FER1L6: variants seen among roughly 807,000 people sequenced by gnomAD.
The protein encoded by FER1L6 is fer-1 like family member 6.
Under a neutral mutation model 219.2 loss-of-function variants are expected in FER1L6, and 177 were observed. The observed-to-expected ratio is 0.81, with a 90% CI of 0.71 to 0.91. FER1L6 has a LOEUF of 0.91. FER1L6 is among the 40% of genes least tolerant of loss of function. FER1L6 has a pLI of 0.00. For synonymous variants in FER1L6, 768 were observed against 824.3 expected (o/e 0.93, Z 1.17); for missense variants, 2,153 against 2,259.9 (o/e 0.95, Z 0.96).
intron 39 of FER1L6, among the ~76,000 whole-genome samples, chr8:124,107,444 T>C (rs1822827624): frequency 6.6e-6 from 1 of 152,142 alleles, no homozygotes; most frequent in African/African-American, 2.4e-5. Flanking sequence ...AAGATTTAGA[T>C]AGATTACACA....
chr8:123,954,456 TTGAA>T (rs1332961543), intron 1 of FER1L6, among the ~76,000 whole-genome samples: 1 of 152,158 alleles, frequency 6.6e-6, no homozygotes, highest in Non-Finnish European at 1.5e-5. Context: ...AGGACATACA[TTGAA>T]TAAGTGAGCA....
rs953422889 is a variant in FER1L6, at chr8:123,976,178, G to C, written c.870+94G>C. 1.0e-5 allele frequency: 11 copies of C among 1,085,034 alleles called. No homozygotes were observed. The African/African-American group carries it at 1.8e-4, about 17-fold the overall frequency. 67.2% of individuals were successfully genotyped at this position (1,085,034 alleles called of 1,614,324 possible). On this transcript the variant is annotated intron_variant, in intron 9 of 40. Coordinates refer to ENST00000522917, the MANE Select transcript of FER1L6 (RefSeq NM_001039112.2). ...ATCAAATCAAATTAATAAAAATTAG[G>C]AAGTGCCTTGAAAGCAAAAGCTTGT...
At chr8:124,088,759 C>T (rs890353195) in intron 33 of FER1L6, among the ~76,000 whole-genome samples, 14 of 152,088 alleles carry the variant, frequency 9.2e-5, no homozygotes, top group African/African-American at 2.7e-4. Flanking sequence ...CAAGGCATCA[C>T]GTTCCCTTCT....
intron 12 of FER1L6, among the ~76,000 whole-genome samples, chr8:124,000,397 A>G (rs912249255): frequency 1.3e-5 from 2 of 152,160 alleles, no homozygotes; most frequent in Admixed American, 6.5e-5. Context: ...TTGTATGAAG[A>G]GTTGTTTAAT....
chr8:124,043,383 C>A (rs994334693), intron 20 of FER1L6, among the ~76,000 whole-genome samples: 1 of 152,210 alleles, frequency 6.6e-6, no homozygotes, highest in African/African-American at 2.4e-5. Context: ...TAAAGCTATA[C>A]TCTGTCCATG....
chr8:124,063,493 T>C (rs1820685328), intron 25 of FER1L6, among the ~76,000 whole-genome samples: 1 of 152,194 alleles, frequency 6.6e-6, no homozygotes, highest in Admixed American at 6.5e-5. Context: ...TGCAGTTTTC[T>C]CCACATAGAG....
chr8:123,898,680 T>C (rs150599103), intron 1 of FER1L6, among the ~76,000 whole-genome samples: 5,426 of 145,820 alleles, frequency 0.037, 326 homozygotes, highest in African/African-American at 0.13. Context: ...CGTATATATA[T>C]ACATATATGT....
At chr8:123,982,971 A>C (rs981695736) in intron 11 of FER1L6, among the ~76,000 whole-genome samples, 1 of 152,350 alleles carries the variant, frequency 6.6e-6, no homozygotes, top group Admixed American at 6.5e-5. Context: ...ACACAATGAC[A>C]TATCTGCTAT....
chr8:124,071,208 A>G (rs954289018), intron 30 of FER1L6, among the ~76,000 whole-genome samples: 3 of 152,208 alleles, frequency 2.0e-5, no homozygotes, highest in Non-Finnish European at 4.4e-5. Flanking sequence ...ATGGGGAAGC[A>G]CTAGCACCGC....
chr8:123,884,034 A>T (rs893178757), intron 1 of FER1L6, among the ~76,000 whole-genome samples: 3 of 152,238 alleles, frequency 2.0e-5, no homozygotes, highest in African/African-American at 7.2e-5. Context: ...TGACATACAT[A>T]CACTGGGAAA....
At chr8:124,105,525 T>TAAGA (rs1822730341) in intron 39 of FER1L6, among the ~76,000 whole-genome samples, 1 of 151,908 alleles carries the variant, frequency 6.6e-6, no homozygotes, top group African/African-American at 2.4e-5. Flanking sequence ...GGCAGAGATG[T>TAAGA]AAGAAAAAAG....
chr8:123,896,094 G>T (rs1005561856), intron 1 of FER1L6, among the ~76,000 whole-genome samples: 2 of 152,100 alleles, frequency 1.3e-5, no homozygotes, highest in South Asian at 4.1e-4. Context: ...GTGCTGTCCG[G>T]GGAAGGAGAA....
At chr8:124,001,032 G>A (rs535785169) in intron 12 of FER1L6, among the ~76,000 whole-genome samples, 1 of 152,186 alleles carries the variant, frequency 6.6e-6, no homozygotes, top group Non-Finnish European at 1.5e-5. Flanking sequence ...GACTTATGAG[G>A]TGGGGCTCTA....
chr8:124,087,542 A>AACATCTCTCTGT (rs1421556547), intron 33 of FER1L6, among the ~76,000 whole-genome samples: 2 of 152,160 alleles, frequency 1.3e-5, no homozygotes, highest in African/African-American at 4.8e-5. Flanking sequence ...TATGAAAGGA[A>AACATCTCTCTGT]ACATCTCTCT....
chr8:123,992,861 T>A (rs1816928235), intron 12 of FER1L6, among the ~76,000 whole-genome samples: 1 of 152,232 alleles, frequency 6.6e-6, no homozygotes. Flanking sequence ...CTCTTAGCAC[T>A]GCTTCTGCTG....
intron 2 of FER1L6, among the ~76,000 whole-genome samples, chr8:123,962,572 T>C (rs1815339700): frequency 6.6e-6 from 1 of 152,196 alleles, no homozygotes; most frequent in Non-Finnish European, 1.5e-5. Flanking sequence ...TATAATGAGG[T>C]ATGCCTGACC....
At chr8:124,086,900 T>C (rs1447030655) in intron 33 of FER1L6, among the ~76,000 whole-genome samples, 2 of 152,196 alleles carry the variant, frequency 1.3e-5, no homozygotes, top group Non-Finnish European at 2.9e-5. Context: ...GTACTTTAAA[T>C]GTGTCATGCT....
chr8:123,985,811 A>G (rs375731427), intron 11 of FER1L6: 111 of 354,830 alleles, frequency 3.1e-4, no homozygotes, highest in African/African-American at 2.2e-3. Flanking sequence ...ATGTTAAAAT[A>G]AAAGGAGTTT....
At chr8:124,054,832 T>C (rs1820208591) in intron 22 of FER1L6, among the ~76,000 whole-genome samples, 1 of 152,170 alleles carries the variant, frequency 6.6e-6, no homozygotes, top group Admixed American at 6.5e-5. Flanking sequence ...TGGCTTTTAT[T>C]CTGGGAGAGA....
Sources: gnomAD v4.1 joint callset for allele counts (sites outside exome capture counted in the v4.1 genomes callset) on GRCh38, gnomAD v4.1.1 for gene constraint, MANE v1.5 for transcripts, NCBI Gene and HGNC (gene_info 2026-07-23, HGNC 2026-07-21) for gene names.